VRK2: variants seen among roughly 807,000 people sequenced by gnomAD.
VRK2 encodes serine/threonine-protein kinase VRK2.
VRK2 carries 60 observed loss-of-function variants against 57.6 expected under a neutral mutation model. That is an observed-to-expected ratio of 1.04 (90% CI 0.85 to 1.29). The LOEUF is 1.29. VRK2 is among the 50% of genes most tolerant of loss of function. The probability of loss-of-function intolerance (pLI) is 0.00; values close to 1 mark genes in which losing one functional copy is unlikely to be tolerated. For missense variants in VRK2, 705 were observed against 588.1 expected (o/e 1.20, Z -2.06); for synonymous variants, 231 against 199.2 (o/e 1.16, Z -1.35).
intron 1 of VRK2, among the ~76,000 whole-genome samples, chr2:58,022,252 A>G (rs544717455): frequency 8.3e-4 from 127 of 152,330 alleles, no homozygotes; most frequent in Non-Finnish European, 9.6e-4. Context: ...TTTGGTTGTT[A>G]TAAGTCCCTT....
At chr2:57,928,808 T>C (rs1670625166) in intron 1 of VRK2, among the ~76,000 whole-genome samples, 1 of 152,242 alleles carries the variant, frequency 6.6e-6, no homozygotes, top group African/African-American at 2.4e-5. Context: ...TGTAGACTCA[T>C]AGAAGTACTA....
At chr2:57,991,807 A>C (rs1236775562) in intron 1 of VRK2, among the ~76,000 whole-genome samples, 2 of 150,940 alleles carry the variant, frequency 1.3e-5, no homozygotes, top group African/African-American at 4.9e-5. Flanking sequence ...AAAAAAAAAA[A>C]ATTATCTGGG....
rs1345415173 is a variant in VRK2, at chr2:58,124,225, C to T, written c.676+992C>T. On this transcript the variant is annotated intron_variant, in intron 8 of 12. Coordinates refer to ENST00000340157, the MANE Select transcript of VRK2 (RefSeq NM_006296.7). ...TGTTTATTACACTGCAGTCCAAATC[C>T]AATAGCCGACCCAGAAAGCCATGGA... is the stretch of plus-strand genomic sequence containing the variant. Among the ~76,000 whole-genome samples, 3 of 152,076 alleles carry T rather than the reference C, an allele frequency of 2.0e-5. No individual in the cohort carries two copies. The South Asian group carries it at 6.2e-4, about 32-fold the overall frequency.
chr2:58,151,526 A>C lies in VRK2; in HGVS notation c.1182+5052A>C, dbSNP rs79947195. ...CGCTATTTTATAAAATCTGGCAAAC[A>C]CTATCTTTTATTTGCTCCATATCTA... On this transcript the variant is annotated intron_variant, in intron 12 of 12. Coordinates refer to ENST00000340157, the MANE Select transcript of VRK2 (RefSeq NM_006296.7). Among the ~76,000 whole-genome samples the C allele has an allele frequency of 5.1e-3, 779 of 151,580 alleles. 10 individuals are homozygous for C. The highest frequency in any genetic ancestry group is 0.017 in the African/African-American group (724 of 41,444).
chr2:58,084,212 C>G (rs371297361), intron 3 of VRK2, 74 bp downstream of exon 3: 8 of 1,472,748 alleles, frequency 5.4e-6, no homozygotes, highest in Non-Finnish European at 7.4e-6. Flanking sequence ...ATGTTTTTCA[C>G]GTTAATTTTT....
intron 7 of VRK2, among the ~76,000 whole-genome samples, chr2:58,095,259 A>G (rs1271869954): frequency 1.1e-4 from 17 of 148,476 alleles, no homozygotes; most frequent in African/African-American, 4.0e-4. Flanking sequence ...GCGCCACTGC[A>G]CTCCAGCCTG....
intron 7 of VRK2, among the ~76,000 whole-genome samples, chr2:58,113,584 ATGG>A (rs1392149516): frequency 6.6e-6 from 1 of 152,108 alleles, no homozygotes; most frequent in East Asian, 1.9e-4. Flanking sequence ...TGGGAAGGTA[ATGG>A]AAAATTACAG....
intron 1 of VRK2, among the ~76,000 whole-genome samples, chr2:57,935,258 G>C (rs775914782): frequency 6.6e-6 from 1 of 152,042 alleles, no homozygotes; most frequent in Non-Finnish European, 1.5e-5. Flanking sequence ...CCCAGCTAAA[G>C]ATTCTTAAAC....
chr2:57,982,622 C>A lies in VRK2; in HGVS notation c.-438-43043C>A, dbSNP rs189465269. ...CTGATGAAAGAGCTACAGGAGTGGC[C>A]AGTGGCAAGCTGAGGCTGCCCTGCA... On this transcript the variant is annotated intron_variant, in intron 1 of 15. Coordinates refer to the VRK2 transcript ENST00000417641. Among the ~76,000 whole-genome samples, 43 of 152,260 alleles carry A rather than the reference C, an allele frequency of 2.8e-4. No homozygotes were observed. In the East Asian group the frequency reaches 7.3e-3, roughly 26 times the overall value.
chr2:57,977,182 C>A (rs558847188), intron 1 of VRK2, among the ~76,000 whole-genome samples: 1 of 151,926 alleles, frequency 6.6e-6, no homozygotes, highest in African/African-American at 2.4e-5. Context: ...TTTAGGATTG[C>A]TTTGGCTATT....
intron 7 of VRK2, among the ~76,000 whole-genome samples, chr2:58,090,399 T>TCAAAA: frequency 1.1e-5 from 1 of 90,528 alleles, no homozygotes; most frequent in Admixed American, 1.3e-4. Context: ...AAACTCCATC[T>TCAAAA]CAAAAAAAAA....
intron 7 of VRK2, among the ~76,000 whole-genome samples, chr2:58,110,485 T>C (rs1172546143): frequency 6.6e-6 from 1 of 152,226 alleles, no homozygotes; most frequent in Non-Finnish European, 1.5e-5. Context: ...TCATATCTGT[T>C]AAAAAATATA....
At chr2:57,921,289 C>T (rs1670337720) in intron 1 of VRK2, among the ~76,000 whole-genome samples, 1 of 31,876 alleles carries the variant, frequency 3.1e-5, no homozygotes, top group Non-Finnish European at 6.3e-5. Context: ...TAAGCGCGCA[C>T]ACACACACAC....
chr2:58,137,175 T>TACATATCATATATGATAC (rs1325824168), intron 10 of VRK2, among the ~76,000 whole-genome samples: 1 of 82,276 alleles, frequency 1.2e-5, no homozygotes, highest in South Asian at 3.6e-4. Context: ...TCATATATCA[T>TACATATCATATATGATAC]ATATATCATA....
chr2:57,926,997 C>CA (rs200493119), intron 1 of VRK2, among the ~76,000 whole-genome samples: 20 of 130,242 alleles, frequency 1.5e-4, no homozygotes, highest in Admixed American at 2.4e-4. Context: ...GTTTTAATTT[C>CA]TTGTGTGTGT....
intron 2 of VRK2, among the ~76,000 whole-genome samples, chr2:58,032,514 A>G (rs927442989): frequency 8.6e-5 from 13 of 152,010 alleles, no homozygotes; most frequent in African/African-American, 3.1e-4. Context: ...TCATCTTCCA[A>G]AGGTCCCACC....
In VRK2 at chr2:58,139,847, C is replaced by A; in HGVS notation, c.1023+15C>A. On this transcript the variant is annotated intron_variant, in intron 11 of 12. Coordinates refer to ENST00000340157, the MANE Select transcript of VRK2 (RefSeq NM_006296.7). ...ACAGTCAAAAAGTAAGTAACATAAT[C>A]CCTGCTATCCTATGATTACCTTCTA... The A allele has an allele frequency of 1.3e-6, 2 of 1,592,390 alleles. No individual in the cohort carries two copies. Among genetic ancestry groups the A allele is most frequent in the East Asian group, 2.2e-5 (1 of 44,550 alleles).
chr2:58,009,404 A>G (rs1234218646), intron 1 of VRK2, among the ~76,000 whole-genome samples: 2 of 151,736 alleles, frequency 1.3e-5, no homozygotes, highest in East Asian at 1.9e-4. Flanking sequence ...CTTGTACTGA[A>G]TATCAGCCAT....
intron 1 of VRK2, among the ~76,000 whole-genome samples, chr2:58,021,971 A>G (rs755771556): frequency 7.9e-5 from 12 of 152,194 alleles, no homozygotes; most frequent in Non-Finnish European, 1.8e-4. Context: ...TGAAACCCTT[A>G]ATCAGTCAGA....
Sources: gnomAD v4.1 joint callset for allele counts (sites outside exome capture counted in the v4.1 genomes callset) on GRCh38, gnomAD v4.1.1 for gene constraint, MANE v1.5 for transcripts, NCBI Gene and HGNC (gene_info 2026-07-23, HGNC 2026-07-21) for gene names.